Variants in LRTM1 observed in about 807,000 individuals in gnomAD.
The protein encoded by LRTM1 is leucine rich repeat transmembrane protein 1.
In LRTM1, 38 loss-of-function variants were observed where a neutral mutation model predicts 32.4. That is an observed-to-expected ratio of 1.17 (90% CI 0.91 to 1.54). The LOEUF (loss-of-function observed/expected upper bound fraction) is 1.54. LRTM1 is among the 40% of genes most tolerant of loss of function. The pLI, the probability that LRTM1 is intolerant of heterozygous loss-of-function variation, is 0.00. For missense variants in LRTM1, 466 were observed against 415.4 expected (o/e 1.12, Z -1.06); for synonymous variants, 186 against 169.9 (o/e 1.09, Z -0.74).
chr3:54,952,409 A>G (rs916141906), intron 1 of LRTM1, among the ~76,000 whole-genome samples: 1 of 152,162 alleles, frequency 6.6e-6, no homozygotes, highest in Non-Finnish European at 1.5e-5. Flanking sequence ...GGAAGATGTC[A>G]TGAGCATCTT....
intron 1 of LRTM1, among the ~76,000 whole-genome samples, chr3:54,943,696 T>G (rs1268926434): frequency 1.3e-5 from 2 of 152,340 alleles, no homozygotes; most frequent in African/African-American, 4.8e-5. Flanking sequence ...ACTACTATTT[T>G]CTAAATGTTT....
chr3:54,938,297 C>T (rs1701379476), intron 1 of LRTM1, among the ~76,000 whole-genome samples: 1 of 152,184 alleles, frequency 6.6e-6, no homozygotes, highest in African/African-American at 2.4e-5. Context: ...TGCAGCAGAC[C>T]AGAAGTGGCA....
chr3:54,918,617 C>A lies in LRTM1; in HGVS notation c.880G>T (p.Val294Phe), dbSNP rs61735203. 1.2e-6 allele frequency: 2 copies of A among 1,614,156 alleles called. No individual in the cohort carries two copies. The highest frequency in any genetic ancestry group is 2.2e-5 in the South Asian group (2 of 91,082). The change falls in exon 3 of 3, where the codon GTT becomes TTT. Residue 294 changes from valine to phenylalanine, a missense_variant. Val to Phe is a conservative substitution (Grantham distance 50). Transcript: ENST00000273286. Reference protein sequence around the residue: ...HAIATVIITGVVCGIVCLMML... With the variant: ...HAIATVIITGFVCGIVCLMML... ...ATGAGACACACAATCCCACACACAA[C>A]GCCAGTGATGATGACAGTGGCAATG... is the stretch of plus-strand genomic sequence containing the variant.
chr3:54,919,286 A>C (rs6787401), intron 2 of LRTM1, among the ~76,000 whole-genome samples: 20 of 152,366 alleles, frequency 1.3e-4, no homozygotes, highest in South Asian at 1.0e-3. Context: ...CTTTTGTACC[A>C]GATTCCCATT....
At chr3:54,960,763 G>T (rs1229935510) in intron 1 of LRTM1, among the ~76,000 whole-genome samples, 1 of 152,098 alleles carries the variant, frequency 6.6e-6, no homozygotes. Flanking sequence ...GATTTCAGTT[G>T]TCTTTTTTGT....
intron 1 of LRTM1, among the ~76,000 whole-genome samples, chr3:54,951,104 A>G (rs962752321): frequency 6.6e-6 from 1 of 152,230 alleles, no homozygotes; most frequent in Non-Finnish European, 1.5e-5. Context: ...CGCTCCAACT[A>G]TAATATCAAG....
intron 2 of LRTM1, among the ~76,000 whole-genome samples, chr3:54,923,948 C>A (rs1170820830): frequency 6.6e-6 from 1 of 152,220 alleles, no homozygotes; most frequent in Non-Finnish European, 1.5e-5. Flanking sequence ...ATGGGCATGG[C>A]TGTGTTCCAA....
At chr3:54,945,266 C>G (rs1365264512) in intron 1 of LRTM1, among the ~76,000 whole-genome samples, 2 of 152,142 alleles carry the variant, frequency 1.3e-5, no homozygotes, top group Non-Finnish European at 2.9e-5. Flanking sequence ...GTGTTGATAC[C>G]TGCTAGTATT....
At chr3:54,953,975 A>G (rs1575403867) in intron 1 of LRTM1, among the ~76,000 whole-genome samples, 1 of 152,206 alleles carries the variant, frequency 6.6e-6, no homozygotes, top group African/African-American at 2.4e-5. Context: ...TTCAGTCCAC[A>G]GATTTCAGGA....
At position 54,927,922 on chromosome 3, in the gene LRTM1, C is replaced by T. The variant is rs4245920; in HGVS notation, c.-11G>A. 0.7 allele frequency: 1,124,118 copies of T among 1,611,868 alleles called. 394,945 individuals are homozygous for T. The highest frequency in any genetic ancestry group is 0.86 in the East Asian group (38,517 of 44,836). ...GGGCTCACCTTTCATGACTGAGTCT[C>T]CTTGGGCGTCCTTGCTGACCTCGTA... is the stretch of plus-strand genomic sequence containing the variant. On this transcript the variant is annotated 5_prime_UTR_variant, in exon 1 of 3. Coordinates refer to ENST00000273286, the MANE Select transcript of LRTM1 (RefSeq NM_020678.4).
intron 1 of LRTM1, among the ~76,000 whole-genome samples, chr3:54,940,071 C>G (rs1432539655): frequency 6.6e-6 from 1 of 152,148 alleles, no homozygotes; most frequent in South Asian, 2.1e-4. Context: ...ACAGCCTTCC[C>G]ACTGGACAGC....
At chr3:54,961,994 GCTCA>G (rs1225386959) in intron 1 of LRTM1, among the ~76,000 whole-genome samples, 1 of 152,056 alleles carries the variant, frequency 6.6e-6, no homozygotes, top group Non-Finnish European at 1.5e-5. Flanking sequence ...GACTGAGCGT[GCTCA>G]CTCAGGTCTC....
intron 1 of LRTM1, among the ~76,000 whole-genome samples, chr3:54,942,222 C>T (rs1278274916): frequency 2.0e-5 from 3 of 152,140 alleles, no homozygotes; most frequent in East Asian, 1.9e-4. Flanking sequence ...GTGCTTTTAA[C>T]GCCAGCCCAT....
chr3:54,957,658 T>C (rs978882061), intron 1 of LRTM1, among the ~76,000 whole-genome samples: 5 of 151,698 alleles, frequency 3.3e-5, no homozygotes, highest in Non-Finnish European at 7.4e-5. Context: ...ATACGACTGA[T>C]GGGCCTTTGG....
At chr3:54,923,027 T>C (rs1024201404) in intron 2 of LRTM1, among the ~76,000 whole-genome samples, 1 of 152,214 alleles carries the variant, frequency 6.6e-6, no homozygotes, top group African/African-American at 2.4e-5. Flanking sequence ...TGGGCCACCA[T>C]CATCTTCGCT....
chr3:54,947,666 A>G (rs1329246043), intron 1 of LRTM1, among the ~76,000 whole-genome samples: 2 of 152,138 alleles, frequency 1.3e-5, no homozygotes, highest in African/African-American at 2.4e-5. Context: ...TGCTCTGGCT[A>G]TACCCCATGA....
intron 1 of LRTM1, among the ~76,000 whole-genome samples, chr3:54,941,363 C>A (rs941854804): frequency 6.6e-6 from 1 of 152,090 alleles, no homozygotes; most frequent in Non-Finnish European, 1.5e-5. Context: ...TGAAGTAAGC[C>A]CCCTGTGTGA....
intron 1 of LRTM1, among the ~76,000 whole-genome samples, chr3:54,948,309 A>T (rs1281728653): frequency 6.6e-6 from 1 of 152,152 alleles, no homozygotes; most frequent in Non-Finnish European, 1.5e-5. Flanking sequence ...TCACTGTATC[A>T]CCTCACACCT....
intron 1 of LRTM1, among the ~76,000 whole-genome samples, chr3:54,938,144 C>A (rs2048804): frequency 0.61 from 92,653 of 152,038 alleles, 28,657 homozygotes; most frequent in East Asian, 0.78. Context: ...AGCAGAATGG[C>A]AGAGTTGCAT....
Sources: allele counts gnomAD v4.1 joint callset (sites outside exome capture counted in the v4.1 genomes callset), GRCh38; gene constraint gnomAD v4.1.1; transcripts MANE v1.5; gene names NCBI Gene and HGNC (gene_info 2026-07-23, HGNC 2026-07-21).